Variants in MCCC1 observed in about 807,000 individuals in gnomAD.
The protein encoded by MCCC1 is methylcrotonoyl-CoA carboxylase subunit alpha, mitochondrial.
A neutral mutation model predicts 83.8 loss-of-function variants in MCCC1; 64 were observed. The observed-to-expected ratio is 0.76, with a 90% CI of 0.62 to 0.94. The LOEUF is 0.94. Among genes scored for constraint, MCCC1 ranks in the 40% least tolerant of loss-of-function variants. The pLI is 0.00. For synonymous variants in MCCC1, 322 were observed against 315.4 expected (o/e 1.02, Z -0.22); for missense variants, 807 against 904.7 (o/e 0.89, Z 1.39).
chr3:183,043,576 G>A (rs898832666), intron 10 of MCCC1, among the ~76,000 whole-genome samples: 7 of 152,136 alleles, frequency 4.6e-5, no homozygotes, highest in Non-Finnish European at 8.8e-5. Flanking sequence ...GCAGGTCCTC[G>A]AGCTTAGACT....
intron 4 of MCCC1, among the ~76,000 whole-genome samples, chr3:183,085,955 GC>G (rs934994028): frequency 2.6e-5 from 4 of 152,166 alleles, no homozygotes; most frequent in Non-Finnish European, 5.9e-5. Flanking sequence ...GCCAGGCAGG[GC>G]CCCTCCACAG....
At chr3:183,048,041 A>G (rs75257981) in intron 9 of MCCC1, among the ~76,000 whole-genome samples, 470 of 152,352 alleles carry the variant, frequency 3.1e-3, no homozygotes, top group Non-Finnish European at 5.5e-3. Flanking sequence ...AGTTGCCACA[A>G]TGTCACTGGA....
chr3:183,083,204 T>G (rs10937112), intron 4 of MCCC1, among the ~76,000 whole-genome samples: 84,248 of 152,080 alleles, frequency 0.55, 28,728 homozygotes, highest in Non-Finnish European at 0.76. Context: ...CTTTACTAGA[T>G]GGCCAATAAG....
intron 5 of MCCC1, 28 bp downstream of exon 5, chr3:183,072,338 T>C: frequency 6.2e-7 from 1 of 1,612,416 alleles, no homozygotes; most frequent in Non-Finnish European, 8.5e-7. Flanking sequence ...CTTCATACAG[T>C]TATATTTTAA....
chr3:183,034,294 CA>C (rs1225208553), intron 13 of MCCC1, among the ~76,000 whole-genome samples: 4 of 151,698 alleles, frequency 2.6e-5, no homozygotes, highest in Admixed American at 6.6e-5. Flanking sequence ...ACTAAAAATA[CA>C]AAAAAATTAG....
chr3:183,060,491 A>G (rs1715736527), intron 7 of MCCC1, among the ~76,000 whole-genome samples: 1 of 152,248 alleles, frequency 6.6e-6, no homozygotes, highest in South Asian at 2.1e-4. Context: ...CTATTGACAT[A>G]ACACAAATCA....
chr3:183,071,087 G>A lies in MCCC1; in HGVS notation c.673C>T (p.Gln225Ter), dbSNP rs779412317. ...MRIVRSEQEFQEQLESARREA... is the reference protein window; with the variant it reads ...MRIVRSEQEF ...CTCCGTGCTGACTCTAACTGTTCTT[G>A]AAATTCTTGTTCTGATCTAACAATC... The change falls in exon 7 of 19, where the codon CAA (glutamine) becomes TAA (stop). Residue 225 changes from glutamine to a stop codon, truncating the protein, a stop_gained. Transcript: ENST00000265594. LOFTEE classifies it high-confidence loss of function. The A allele has an allele frequency of 1.9e-6, 3 of 1,614,192 alleles. No individual in the cohort carries two copies. The highest frequency in any genetic ancestry group is 2.5e-6 in the Non-Finnish European group (3 of 1,180,030).
intron 13 of MCCC1, among the ~76,000 whole-genome samples, chr3:183,036,573 C>G (rs1437410604): frequency 1.3e-5 from 2 of 149,338 alleles, no homozygotes; most frequent in Non-Finnish European, 3.0e-5. Context: ...GAACTCTCGC[C>G]CTGTTGTCCA....
chr3:183,091,421 T>C (rs141495650), intron 3 of MCCC1, among the ~76,000 whole-genome samples: 10 of 152,018 alleles, frequency 6.6e-5, no homozygotes, highest in Admixed American at 2.0e-4. Flanking sequence ...TACAAAAAAG[T>C]AGCCAGGCGT....
At chr3:183,017,368 G>A in intron 17 of MCCC1, 31 bp from the exon 18 acceptor site, 1 of 1,605,364 alleles carries the variant, frequency 6.2e-7, no homozygotes, top group Non-Finnish European at 8.5e-7. Flanking sequence ...GTTAATATTT[G>A]AAAACACAGA....
intron 14 of MCCC1, among the ~76,000 whole-genome samples, chr3:183,026,484 T>C (rs969239381): frequency 6.6e-6 from 1 of 151,108 alleles, no homozygotes; most frequent in Non-Finnish European, 1.5e-5. Context: ...GGCAGAGGAG[T>C]GGGGATCACG....
At chr3:183,039,713 G>A (rs746000500) in intron 11 of MCCC1, among the ~76,000 whole-genome samples, 2 of 152,200 alleles carry the variant, frequency 1.3e-5, no homozygotes, top group Non-Finnish European at 2.9e-5. Context: ...CAAGTAGAAA[G>A]GATGTGGTGT....
intron 1 of MCCC1, among the ~76,000 whole-genome samples, chr3:183,109,649 C>G (rs1195210411): frequency 6.6e-6 from 1 of 152,102 alleles, no homozygotes; most frequent in Non-Finnish European, 1.5e-5. Context: ...CTTTTCCAGT[C>G]CACTGTTGAT....
At chr3:183,026,049 G>T (rs185751071) in intron 14 of MCCC1, among the ~76,000 whole-genome samples, 153 of 144,390 alleles carry the variant, frequency 1.1e-3, no homozygotes, top group African/African-American at 4.1e-3. Flanking sequence ...TTTTTATTTT[G>T]ATTTATTTTT....
intron 4 of MCCC1, among the ~76,000 whole-genome samples, chr3:183,076,926 T>C (rs1390559888): frequency 6.6e-6 from 1 of 152,200 alleles, no homozygotes; most frequent in Non-Finnish European, 1.5e-5. Context: ...CAACTGTGAA[T>C]CTACTGTCTC....
At chr3:183,024,176 G>T (rs1188913505) in intron 15 of MCCC1, among the ~76,000 whole-genome samples, 1 of 152,112 alleles carries the variant, frequency 6.6e-6, no homozygotes, top group Non-Finnish European at 1.5e-5. Context: ...CTTGAACCTG[G>T]GAGGTGGGGG....
At chr3:183,055,783 C>T (rs1192449267) in intron 8 of MCCC1, among the ~76,000 whole-genome samples, 1 of 151,868 alleles carries the variant, frequency 6.6e-6, no homozygotes, top group Non-Finnish European at 1.5e-5. Context: ...ACTTGTAGTC[C>T]CAAATACTCT....
At chr3:183,097,503 G>A (rs760537332) in intron 1 of MCCC1, among the ~76,000 whole-genome samples, 7 of 152,078 alleles carry the variant, frequency 4.6e-5, no homozygotes, top group African/African-American at 7.2e-5. Flanking sequence ...GGCCGTCCTC[G>A]CCCTCCTCAT....
At chr3:183,052,726 C>T (rs1011804843) in intron 8 of MCCC1, among the ~76,000 whole-genome samples, 2 of 141,330 alleles carry the variant, frequency 1.4e-5, no homozygotes, top group South Asian at 2.3e-4. Flanking sequence ...AGAAGAATGG[C>T]GTGACCCTGG....
Sources: gnomAD v4.1 joint callset for allele counts (sites outside exome capture counted in the v4.1 genomes callset) on GRCh38, gnomAD v4.1.1 for gene constraint, MANE v1.5 for transcripts, NCBI Gene and HGNC (gene_info 2026-07-23, HGNC 2026-07-21) for gene names.